PITPNC1: variants seen among roughly 807,000 people sequenced by gnomAD.
The protein encoded by PITPNC1 is phosphatidylinositol transfer protein cytoplasmic 1, also known as cytoplasmic phosphatidylinositol transfer protein 1.
In PITPNC1, 18 loss-of-function variants were observed where a neutral mutation model predicts 44.7. The ratio of observed to expected loss-of-function variants is 0.40; its 90% CI spans 0.28 to 0.60. The LOEUF is 0.60. PITPNC1 is among the 20% of genes least tolerant of loss of function. PITPNC1 has a pLI of 0.39. For synonymous variants in PITPNC1, 141 were observed against 149.6 expected (o/e 0.94, Z 0.42); for missense variants, 290 against 418.4 (o/e 0.69, Z 2.68).
intron 2 of PITPNC1, among the ~76,000 whole-genome samples, chr17:67,549,460 T>C (rs1013444981): frequency 1.3e-5 from 2 of 152,184 alleles, no homozygotes; most frequent in African/African-American, 2.4e-5. Context: ...GAAAAGGTCA[T>C]TGATTATCGT....
intron 2 of PITPNC1, among the ~76,000 whole-genome samples, 165 bp downstream of exon 2, chr17:67,533,115 C>T (rs146954338): frequency 2.6e-5 from 4 of 152,186 alleles, no homozygotes; most frequent in Admixed American, 6.5e-5. Context: ...AGAATCTGCC[C>T]GAGCGAGGTG....
At chr17:67,516,073 C>G (rs555626054) in intron 1 of PITPNC1, among the ~76,000 whole-genome samples, 1 of 152,108 alleles carries the variant, frequency 6.6e-6, no homozygotes, top group African/African-American at 2.4e-5. Context: ...TGATTTTGTA[C>G]CCCTGGGTTA....
intron 1 of PITPNC1, among the ~76,000 whole-genome samples, chr17:67,513,495 A>ATG (rs2040219282): frequency 6.9e-6 from 1 of 144,602 alleles, no homozygotes; most frequent in Non-Finnish European, 1.5e-5. Context: ...GTGTGTATAT[A>ATG]TATATATATA....
At chr17:67,433,489 A>G (rs965439495) in intron 1 of PITPNC1, among the ~76,000 whole-genome samples, 1 of 152,178 alleles carries the variant, frequency 6.6e-6, no homozygotes, top group African/African-American at 2.4e-5. Context: ...TCGAAATCCC[A>G]GCACTTTAGG....
intron 1 of PITPNC1, among the ~76,000 whole-genome samples, chr17:67,497,471 C>CTTT (rs5821470): frequency 7.7e-6 from 1 of 129,376 alleles, no homozygotes; most frequent in African/African-American, 2.8e-5. Context: ...AGGAAGTCGT[C>CTTT]TTTTTTTTTT....
At chr17:67,627,396 G>A (rs183358519) in intron 5 of PITPNC1, among the ~76,000 whole-genome samples, 67 of 152,348 alleles carry the variant, frequency 4.4e-4, no homozygotes, top group Non-Finnish European at 6.6e-4. Context: ...GAGCTTCCTC[G>A]TGCTTGCTAT....
At chr17:67,473,284 C>G (rs1003371232) in intron 1 of PITPNC1, among the ~76,000 whole-genome samples, 1 of 152,070 alleles carries the variant, frequency 6.6e-6, no homozygotes, top group African/African-American at 2.4e-5. Context: ...GTCTACCCAC[C>G]TCGGCCTCCT....
intron 1 of PITPNC1, among the ~76,000 whole-genome samples, chr17:67,395,363 G>A (rs1190150187): frequency 6.6e-6 from 1 of 151,918 alleles, no homozygotes; most frequent in African/African-American, 2.4e-5. Context: ...TGCCCAGGCT[G>A]GTCTCGAACT....
chr17:67,429,606 G>A (rs1384164972), intron 1 of PITPNC1, among the ~76,000 whole-genome samples: 1 of 151,852 alleles, frequency 6.6e-6, no homozygotes, highest in African/African-American at 2.4e-5. Flanking sequence ...GCTGAGGCAG[G>A]AGAATCACTT....
chr17:67,575,333 A>G (rs1463655050), intron 4 of PITPNC1, among the ~76,000 whole-genome samples: 1 of 152,068 alleles, frequency 6.6e-6, no homozygotes, highest in Non-Finnish European at 1.5e-5. Context: ...ACCCGGATAT[A>G]AGGGCAGCGG....
intron 4 of PITPNC1, among the ~76,000 whole-genome samples, chr17:67,566,877 G>A (rs1781743900): frequency 6.6e-6 from 1 of 152,226 alleles, no homozygotes. Flanking sequence ...AAGCATGCAT[G>A]TCAGAGCTAG....
Position 67,631,050 on chromosome 17 carries a change from G to GTTATTATTATTA in PITPNC1, c.367-1091_367-1090insATTATTATTATT, listed in dbSNP as rs201066540. Among the ~76,000 whole-genome samples, 75 of 134,418 alleles carry GTTATTATTATTA rather than the reference G, an allele frequency of 5.6e-4. 1 individual carries two copies. The highest frequency in any genetic ancestry group is 1.9e-3 in the South Asian group (8 of 4,118). The allele number at this position is 134,418 out of a possible 152,430, so 88.2% of individuals were successfully genotyped here. ...TATATATTGCGGCTGTGTTGTTGTT[G>GTTATTATTATTA]TTGTTATTATTATTATTATTATTAT... is the stretch of plus-strand genomic sequence containing the variant. On this transcript the variant is annotated intron_variant, in intron 5 of 8. Coordinates refer to ENST00000581322, the MANE Select transcript of PITPNC1 (RefSeq NM_012417.4).
At chr17:67,452,902 C>A (rs1388622693) in intron 1 of PITPNC1, among the ~76,000 whole-genome samples, 1 of 152,158 alleles carries the variant, frequency 6.6e-6, no homozygotes, top group Non-Finnish European at 1.5e-5. Context: ...TTGGGTTTGC[C>A]ACATCCTTGT....
At chr17:67,414,523 G>T (rs1431416234) in intron 1 of PITPNC1, among the ~76,000 whole-genome samples, 1 of 151,810 alleles carries the variant, frequency 6.6e-6, no homozygotes. Context: ...TCTGCAACCT[G>T]CATTCCAAGG....
Position 67,433,056 on chromosome 17 carries a change from C to T in PITPNC1, c.48+54854C>T, listed in dbSNP as rs371184626. ...CGAGTGGGGGTGGGGAGAGTGGTGGCGGAAGACCCTTGAGGAGGCGACAGT... is the reference window on the plus strand; with the variant it reads ...CGAGTGGGGGTGGGGAGAGTGGTGGTGGAAGACCCTTGAGGAGGCGACAGT... On this transcript the variant is annotated intron_variant, in intron 1 of 8. Coordinates refer to ENST00000581322, the MANE Select transcript of PITPNC1 (RefSeq NM_012417.4). 1.8e-4 allele frequency among the ~76,000 whole-genome samples: 28 copies of T among 152,144 alleles called. No homozygotes were observed. In the East Asian group the frequency reaches 4.3e-3, roughly 23 times the overall value.
At chr17:67,544,274 A>G (rs1024432216) in intron 2 of PITPNC1, among the ~76,000 whole-genome samples, 2 of 152,220 alleles carry the variant, frequency 1.3e-5, no homozygotes, top group African/African-American at 2.4e-5. Flanking sequence ...AAATTCTAGA[A>G]TAGTGATTCT....
intron 2 of PITPNC1, among the ~76,000 whole-genome samples, chr17:67,540,350 C>G (rs557120965): frequency 6.6e-6 from 1 of 152,212 alleles, no homozygotes; most frequent in East Asian, 1.9e-4. Context: ...AATGATCCTC[C>G]CACCTTGGCC....
chr17:67,549,181 C>T (rs1164815140), intron 2 of PITPNC1, among the ~76,000 whole-genome samples: 5 of 152,086 alleles, frequency 3.3e-5, no homozygotes, highest in African/African-American at 7.2e-5. Flanking sequence ...AGGCCGGGCG[C>T]GGTGGTTCAT....
chr17:67,682,223 A>G (rs2144440994), intron 8 of PITPNC1, among the ~76,000 whole-genome samples: 1 of 152,280 alleles, frequency 6.6e-6, no homozygotes, highest in African/African-American at 2.4e-5. Context: ...AGAAAAAGAA[A>G]TACAAATTGC....
Sources: gnomAD v4.1 joint callset for allele counts (sites outside exome capture counted in the v4.1 genomes callset) on GRCh38, gnomAD v4.1.1 for gene constraint, MANE v1.5 for transcripts, NCBI Gene and HGNC (gene_info 2026-07-23, HGNC 2026-07-21) for gene names.